Variants in PTPRD observed in about 807,000 individuals in gnomAD.
PTPRD encodes receptor-type tyrosine-protein phosphatase delta.
A neutral mutation model predicts 214.5 loss-of-function variants in PTPRD; 34 were observed. The ratio of observed to expected loss-of-function variants is 0.16; its 90% CI spans 0.12 to 0.21. The LOEUF (loss-of-function observed/expected upper bound fraction) is 0.21. Ranked by LOEUF, PTPRD falls within the 10% of genes least tolerant of loss-of-function variation. The probability of loss-of-function intolerance (pLI) is 1.00; values close to 1 mark genes in which losing one functional copy is unlikely to be tolerated. For missense variants in PTPRD, 2,545 were observed against 2,398.7 expected, an observed-to-expected ratio of 1.06 and a Z score of -1.27; for synonymous variants, 1,128 against 845.7, an observed-to-expected ratio of 1.33 and a Z score of -5.79.
intron 12 of PTPRD, among the ~76,000 whole-genome samples, chr9:8,680,671 T>C (rs1405278969): frequency 1.3e-5 from 2 of 152,122 alleles, no homozygotes; most frequent in Non-Finnish European, 1.5e-5. Context: ...ACAGATACTA[T>C]ATAAATACAT....
chr9:8,493,152 T>C (rs2097185284), intron 26 of PTPRD, among the ~76,000 whole-genome samples, 173 bp from the exon 27 acceptor site: 1 of 152,222 alleles, frequency 6.6e-6, no homozygotes, highest in African/African-American at 2.4e-5. Context: ...TTCATGCTGA[T>C]ATCGAAGGGG....
intron 34 of PTPRD, among the ~76,000 whole-genome samples, chr9:8,443,068 G>T (rs55694817): frequency 1.3e-5 from 2 of 152,166 alleles, no homozygotes; most frequent in East Asian, 3.9e-4. Flanking sequence ...TTACTTAAGC[G>T]TGGAATGTTG....
At chr9:9,344,589 T>G (rs2137591882) in intron 9 of PTPRD, among the ~76,000 whole-genome samples, 1 of 152,216 alleles carries the variant, frequency 6.6e-6, no homozygotes, top group South Asian at 2.1e-4. Flanking sequence ...CAGCCTGTAT[T>G]CATGACTAAA....
At chr9:9,959,334 C>T (rs188432430) in intron 4 of PTPRD, among the ~76,000 whole-genome samples, 14 of 151,970 alleles carry the variant, frequency 9.2e-5, no homozygotes, top group African/African-American at 2.9e-4. Flanking sequence ...TCCAGAGCCT[C>T]GAGAGGAAGG....
chr9:8,414,188 C>A (rs74501655), intron 35 of PTPRD, among the ~76,000 whole-genome samples: 1 of 151,526 alleles, frequency 6.6e-6, no homozygotes, highest in Non-Finnish European at 1.5e-5. Flanking sequence ...TGGAATAGAC[C>A]AGAGATATAA....
intron 45 of PTPRD, among the ~76,000 whole-genome samples, 198 bp downstream of exon 45, chr9:8,319,630 CATA>C (rs1382732043): frequency 2.6e-5 from 4 of 151,952 alleles, no homozygotes; most frequent in Non-Finnish European, 5.9e-5. Flanking sequence ...TATAATCTCA[CATA>C]ATTTCTATAG....
At chr9:10,502,303 TAAG>T (rs1566562130) in intron 2 of PTPRD, among the ~76,000 whole-genome samples, 2 of 151,622 alleles carry the variant, frequency 1.3e-5, no homozygotes, top group African/African-American at 4.8e-5. Flanking sequence ...AATAAAAATA[TAAG>T]GAGAAAGAAC....
chr9:8,844,639 T>C (rs1435762186), intron 11 of PTPRD, among the ~76,000 whole-genome samples: 1 of 152,190 alleles, frequency 6.6e-6, no homozygotes, highest in Non-Finnish European at 1.5e-5. Flanking sequence ...AAGCATATGA[T>C]TTAATAGCTG....
intron 14 of PTPRD, among the ~76,000 whole-genome samples, chr9:8,590,119 T>C (rs912638343): frequency 1.3e-5 from 2 of 152,052 alleles, no homozygotes; most frequent in Non-Finnish European, 2.9e-5. Context: ...TGTATAGATA[T>C]AGTACAGTCA....
intron 3 of PTPRD, among the ~76,000 whole-genome samples, chr9:10,270,025 G>T (rs1017259157): frequency 6.6e-6 from 1 of 151,988 alleles, no homozygotes; most frequent in African/African-American, 2.4e-5. Flanking sequence ...TTACAATGGC[G>T]CTACATAATT....
intron 8 of PTPRD, among the ~76,000 whole-genome samples, chr9:9,495,226 G>T (rs4551426): frequency 6.6e-6 from 1 of 150,586 alleles, no homozygotes; most frequent in Non-Finnish European, 1.5e-5. Context: ...ACTGAAATTA[G>T]TAAGTCTGAT....
chr9:8,331,486 AAAATTTCAAATAAGCAAAC>A, intron 44 of PTPRD, 77 bp downstream of exon 44: 2 of 1,411,946 alleles, frequency 1.4e-6, no homozygotes, highest in Non-Finnish European at 1.9e-6. Context: ...TGCCAAGAAT[AAAATTTCAAATAAGCAAAC>A]TTACTACAAA....
intron 9 of PTPRD, among the ~76,000 whole-genome samples, chr9:9,309,293 T>C (rs1322709692): frequency 6.6e-6 from 1 of 151,684 alleles, no homozygotes; most frequent in African/African-American, 2.4e-5. Context: ...CTAAAAGGTA[T>C]AGATGAACAG....
chr9:8,460,325 A>C, intron 33 of PTPRD, 86 bp downstream of exon 33: 2 of 1,498,472 alleles, frequency 1.3e-6, no homozygotes, highest in Non-Finnish European at 1.8e-6. Context: ...ACTAAAATCA[A>C]CCACCTAAGG....
rs75279642 is a variant in PTPRD at position 8,758,691 on chromosome 9, C to G, written c.-103-24745G>C. On this transcript the variant is annotated intron_variant, in intron 11 of 45. Transcript: ENST00000381196. ...TTTATGGAGCTCATTTAAAATTCTA[C>G]GCAATATGCTACAACAAGACAAACA... is the stretch of plus-strand genomic sequence containing the variant. Among the ~76,000 whole-genome samples the G allele has an allele frequency of 2.0e-4, 30 of 151,816 alleles. No individual in the cohort carries two copies. In the East Asian group the frequency reaches 5.6e-3, roughly 28 times the overall value.
chr9:9,226,054 A>G (rs1594020113), intron 9 of PTPRD, among the ~76,000 whole-genome samples: 1 of 151,974 alleles, frequency 6.6e-6, no homozygotes, highest in African/African-American at 2.4e-5. Flanking sequence ...TAATAAATCA[A>G]TTGGGTCAAA....
chr9:8,956,210 CT>C (rs2099130888), intron 11 of PTPRD, among the ~76,000 whole-genome samples: 1 of 151,750 alleles, frequency 6.6e-6, no homozygotes, highest in Admixed American at 6.6e-5. Context: ...AAATATTTTT[CT>C]TGAAGAATAC....
intron 8 of PTPRD, among the ~76,000 whole-genome samples, chr9:9,444,639 G>C (rs192526914): frequency 2.9e-4 from 44 of 152,232 alleles, no homozygotes; most frequent in Admixed American, 2.7e-3. Flanking sequence ...TTTCCAAGGA[G>C]ACTTTCTGAC....
intron 7 of PTPRD, among the ~76,000 whole-genome samples, chr9:9,727,850 A>G (rs2098120667): frequency 6.6e-6 from 1 of 152,196 alleles, no homozygotes; most frequent in Non-Finnish European, 1.5e-5. Context: ...TGAACTCCAC[A>G]TGTAGGAATT....
Sources: gnomAD v4.1 joint callset for allele counts (sites outside exome capture counted in the v4.1 genomes callset) on GRCh38, gnomAD v4.1.1 for gene constraint, MANE v1.5 for transcripts, NCBI Gene and HGNC (gene_info 2026-07-23, HGNC 2026-07-21) for gene names.